Variants in MYO1E observed in about 807,000 individuals in gnomAD.
The protein encoded by MYO1E is unconventional myosin-Ie.
Under a neutral mutation model 151.1 loss-of-function variants are expected in MYO1E, and 68 were observed. The observed-to-expected ratio is 0.45, with a 90% CI of 0.37 to 0.55. The LOEUF is 0.55. Ranked by LOEUF, MYO1E falls within the 20% of genes least tolerant of loss-of-function variation. The pLI, the probability that MYO1E is intolerant of heterozygous loss-of-function variation, is 0.00. For missense variants in MYO1E, 1,363 were observed against 1,389.3 expected, an observed-to-expected ratio of 0.98 and a Z score of 0.30; for synonymous variants, 601 against 501.7, an observed-to-expected ratio of 1.20 and a Z score of -2.64.
chr15:59,147,545 C>A (rs2079448408), intron 26 of MYO1E, among the ~76,000 whole-genome samples: 1 of 132,100 alleles, frequency 7.6e-6, no homozygotes, highest in African/African-American at 2.8e-5. Flanking sequence ...TGCAGTGAGC[C>A]AGGATCGCGC....
At chr15:59,362,073 G>A (rs2080888894) in intron 1 of MYO1E, among the ~76,000 whole-genome samples, 1 of 152,002 alleles carries the variant, frequency 6.6e-6, no homozygotes, top group Admixed American at 6.6e-5. Flanking sequence ...CTGACCTCAG[G>A]TGATCCACCC....
At chr15:59,331,287 T>C (rs1306871830) in intron 1 of MYO1E, among the ~76,000 whole-genome samples, 1 of 152,316 alleles carries the variant, frequency 6.6e-6, no homozygotes, top group East Asian at 1.9e-4. Context: ...ACAGGTGGAC[T>C]CACTATATTA....
rs1194910965 is a variant in MYO1E at position 59,136,759 on chromosome 15, C to G, written c.*621G>C. The G allele has an allele frequency of 6.6e-6, 3 of 456,368 alleles. No homozygotes were observed. The highest frequency in any genetic ancestry group is 1.3e-5 in the Non-Finnish European group (3 of 226,830). The allele number at this position is 456,368 out of a possible 1,614,324, so 28.3% of individuals were successfully genotyped here. ...GAAAGCAAAGCCAGCAGCCCAGCCCCCAGCCCCCAGCCCCTGACCTGCTTG... is the reference window on the plus strand; with the variant it reads ...GAAAGCAAAGCCAGCAGCCCAGCCCGCAGCCCCCAGCCCCTGACCTGCTTG... On this transcript the variant is annotated 3_prime_UTR_variant, in exon 28 of 28. Transcript: ENST00000288235.
At chr15:59,307,320 CCCGGGGA>C (rs2080520417) in intron 1 of MYO1E, among the ~76,000 whole-genome samples, 1 of 152,180 alleles carries the variant, frequency 6.6e-6, no homozygotes, top group Non-Finnish European at 1.5e-5. Flanking sequence ...ACACCCTGGG[CCCGGGGA>C]GGATGAGGTT....
chr15:59,320,925 A>C (rs1009137673), intron 1 of MYO1E, among the ~76,000 whole-genome samples: 21 of 152,232 alleles, frequency 1.4e-4, no homozygotes, highest in Non-Finnish European at 2.4e-4. Context: ...AAATATTCAC[A>C]AACTATGCAT....
chr15:59,277,747 C>A (rs1396014749), intron 1 of MYO1E, among the ~76,000 whole-genome samples: 1 of 152,084 alleles, frequency 6.6e-6, no homozygotes, highest in East Asian at 1.9e-4. Flanking sequence ...CAAAGGAGTA[C>A]TTTGCAGTCA....
At position 59,236,363 on chromosome 15, in the gene MYO1E, A is replaced by AAAAAATAT. The variant is rs1387709265; in HGVS notation, c.420+221_420+222insATATTTTT. Among the ~76,000 whole-genome samples, 78 of 60,814 alleles carry AAAAAATAT rather than the reference A, an allele frequency of 1.3e-3. 4 individuals carry two copies. The highest frequency in any genetic ancestry group is 3.7e-3 in the African/African-American group (77 of 21,082). The allele number at this position is 60,814 out of a possible 152,430, so 39.9% of individuals were successfully genotyped here. On this transcript the variant is annotated intron_variant, in intron 5 of 27. Transcript: ENST00000288235. Reference sequence around the variant, plus strand: ...TCTGTCTCAAAAAAGAAAAAAAAAAAATATATACACACACACACACACACA... The same window carrying AAAAAATAT: ...TCTGTCTCAAAAAAGAAAAAAAAAAAAAAAATATATATATACACACACACACACACACA...
chr15:59,213,677 T>C (rs1195945724), intron 12 of MYO1E, among the ~76,000 whole-genome samples: 1 of 151,568 alleles, frequency 6.6e-6, no homozygotes, highest in Non-Finnish European at 1.5e-5. Context: ...CGCAGGCTGG[T>C]CTTGAACTCC....
intron 1 of MYO1E, among the ~76,000 whole-genome samples, chr15:59,284,393 T>C (rs894042577): frequency 2.7e-4 from 41 of 152,340 alleles, no homozygotes; most frequent in Admixed American, 2.3e-3. Flanking sequence ...CTCTTAACCA[T>C]GTAAGTAGTC....
At chr15:59,370,784 G>C (rs1432889854) in intron 1 of MYO1E, among the ~76,000 whole-genome samples, 1 of 152,084 alleles carries the variant, frequency 6.6e-6, no homozygotes, top group Non-Finnish European at 1.5e-5. Context: ...TTTCCTCAAG[G>C]TACCACTCAA....
intron 22 of MYO1E, among the ~76,000 whole-genome samples, chr15:59,169,618 T>C (rs1266969355): frequency 1.3e-5 from 2 of 152,130 alleles, no homozygotes; most frequent in African/African-American, 4.8e-5. Context: ...CTCATTTTAC[T>C]ACAGCCTTTA....
chr15:59,237,635 AT>A (rs34329447), intron 4 of MYO1E, among the ~76,000 whole-genome samples: 1 of 152,108 alleles, frequency 6.6e-6, no homozygotes, highest in Non-Finnish European at 1.5e-5. Flanking sequence ...ATAGGACAAT[AT>A]TTTTGTTCGC....
intron 1 of MYO1E, among the ~76,000 whole-genome samples, chr15:59,312,306 G>A (rs557451302): frequency 6.6e-6 from 1 of 152,292 alleles, no homozygotes; most frequent in African/African-American, 2.4e-5. Flanking sequence ...AACTGAAAGA[G>A]TTCAGAGAAG....
intron 2 of MYO1E, among the ~76,000 whole-genome samples, chr15:59,265,792 TAAAAAAAAAAA>T (rs59957325): frequency 5.6e-5 from 6 of 106,330 alleles, no homozygotes; most frequent in African/African-American, 1.5e-4. Context: ...CCCATCTCCT[TAAAAAAAAAAA>T]AAAAAAAAAA....
At position 59,134,505 on chromosome 15, in the gene MYO1E, G is replaced by C. The variant is rs1222615207; in HGVS notation, c.*2875C>G. On this transcript the variant is annotated 3_prime_UTR_variant, in exon 28 of 28. Coordinates refer to ENST00000288235, the MANE Select transcript of MYO1E (RefSeq NM_004998.4). ...AGGAGTTTCAGATCAGCCTCTCTCTGTCTCACAGACGGCCATCAGTAGAGT... is the reference window on the plus strand; with the variant it reads ...AGGAGTTTCAGATCAGCCTCTCTCTCTCTCACAGACGGCCATCAGTAGAGT... The C allele has an allele frequency of 6.6e-6, 1 of 152,180 alleles. No individual in the cohort carries two copies. Among genetic ancestry groups the C allele is most frequent in the Non-Finnish European group, 1.5e-5 (1 of 68,072 alleles). The allele number at this position is 152,180 out of a possible 1,614,324, so 9.4% of individuals were successfully genotyped here.
At chr15:59,225,430 T>C (rs28601756) in intron 7 of MYO1E, among the ~76,000 whole-genome samples, 2 of 151,982 alleles carry the variant, frequency 1.3e-5, no homozygotes, top group Admixed American at 6.5e-5. Context: ...CTCTGACCAT[T>C]TGATCCTGTC....
In MYO1E at chr15:59,133,327, G is replaced by C. The variant is rs1167077861; in HGVS notation, c.*4053C>G. Reference sequence around the variant, plus strand: ...TTTGAGACTGCAGTAAGGCATGATCGCACCACTGTTCTCTAGTCTGGGTGA... The same window carrying C: ...TTTGAGACTGCAGTAAGGCATGATCCCACCACTGTTCTCTAGTCTGGGTGA... On this transcript the variant is annotated 3_prime_UTR_variant, in exon 28 of 28. Transcript: ENST00000288235. 2 of 152,094 alleles carry C rather than the reference G, an allele frequency of 1.3e-5. No homozygotes were observed. The highest frequency in any genetic ancestry group is 2.9e-5 in the Non-Finnish European group (2 of 68,048). 9.4% of individuals were successfully genotyped at this position (152,094 alleles called of 1,614,324 possible).
At chr15:59,141,648 G>A (rs533854901) in intron 26 of MYO1E, among the ~76,000 whole-genome samples, 2 of 151,962 alleles carry the variant, frequency 1.3e-5, no homozygotes, top group East Asian at 1.9e-4. Context: ...AAATACAGAC[G>A]GTAGCTGGGC....
rs2079718838 is a variant in MYO1E, at chr15:59,189,353, T to G, written c.1806-1137A>C. 2.0e-5 allele frequency among the ~76,000 whole-genome samples: 3 copies of G among 152,248 alleles called. No homozygotes were observed. The South Asian group carries it at 6.2e-4, about 32-fold the overall frequency. ...GGATTATAGGCATGAGCCACTGTAC[T>G]CGGCGTGTTTCTTCCTTTCCTTTCC... On this transcript the variant is annotated intron_variant, in intron 17 of 27. Coordinates refer to ENST00000288235, the MANE Select transcript of MYO1E (RefSeq NM_004998.4).
Sources: allele counts gnomAD v4.1 joint callset (sites outside exome capture counted in the v4.1 genomes callset), GRCh38; gene constraint gnomAD v4.1.1; transcripts MANE v1.5; gene names NCBI Gene and HGNC (gene_info 2026-07-23, HGNC 2026-07-21).